OTULINL: variants seen among roughly 807,000 people sequenced by gnomAD.
OTULINL encodes OTU deubiquitinase with linear linkage specificity like, also known as inactive ubiquitin thioesterase OTULINL.
In OTULINL, 42 loss-of-function variants were observed where a neutral mutation model predicts 43.9. The ratio of observed to expected loss-of-function variants is 0.96; its 90% CI spans 0.75 to 1.24. The LOEUF (loss-of-function observed/expected upper bound fraction) is 1.24, where lower values mean the gene tolerates loss of function less well. Ranked by LOEUF, OTULINL falls within the 50% of genes most tolerant of loss-of-function variation. The pLI, the probability that OTULINL is intolerant of heterozygous loss-of-function variation, is 0.00. For missense variants in OTULINL, 411 were observed against 426.4 expected, an observed-to-expected ratio of 0.96 and a Z score of 0.32; for synonymous variants, 172 against 153.6, an observed-to-expected ratio of 1.12 and a Z score of -0.88.
At chr5:14,601,748 GTC>G (rs1279446292) in intron 4 of OTULINL, among the ~76,000 whole-genome samples, 2 of 152,204 alleles carry the variant, frequency 1.3e-5, no homozygotes, top group Non-Finnish European at 2.9e-5. Context: ...AGTGGAGACT[GTC>G]TTTGAAAAGA....
chr5:14,608,708 C>G (rs562814977), intron 6 of OTULINL, 40 bp from the exon 7 acceptor site: 1 of 1,523,472 alleles, frequency 6.6e-7, no homozygotes, highest in African/African-American at 1.4e-5. Flanking sequence ...TATGTCTTCA[C>G]CTTTATCCTT....
At chr5:14,592,042 G>A (rs1759213014) in intron 1 of OTULINL, among the ~76,000 whole-genome samples, 3 of 152,224 alleles carry the variant, frequency 2.0e-5, no homozygotes, top group Admixed American at 2.0e-4. Flanking sequence ...GCAGAGCTGA[G>A]TAGTTGAGAC....
rs745782103 is a variant in OTULINL at position 14,602,299 on chromosome 5, TC to T, written c.467del (p.Pro156HisfsTer4). ...AGATATTCAGCCAGGGCATCTCTTTTCCATCATGGATGAAAGAAAAGGACAT... is the reference window on the plus strand; with the variant it reads ...AGATATTCAGCCAGGGCATCTCTTTTCATCATGGATGAAAGAAAAGGACAT... Reference protein sequence around the residue: ...FQIFSQGISFPSWMKEKDIVK... With the variant: ...FQIFSQGISFXSWMKEKDIVK... On this transcript the variant is annotated frameshift_variant, in exon 5 of 8. Coordinates refer to ENST00000274217, the MANE Select transcript of OTULINL (RefSeq NM_019018.3). LOFTEE classifies it high-confidence loss of function. The T allele has an allele frequency of 6.2e-7, 1 of 1,613,886 alleles. No homozygotes were observed. The highest frequency in any genetic ancestry group is 2.2e-5 in the East Asian group (1 of 44,874).
At chr5:14,608,698 T>A (rs762284829) in intron 6 of OTULINL, 50 bp from the exon 7 acceptor site, 4 of 1,422,060 alleles carry the variant, frequency 2.8e-6, no homozygotes, top group Non-Finnish European at 3.8e-6. Context: ...TGGAATGGTA[T>A]ATGTCTTCAC....
intron 5 of OTULINL, among the ~76,000 whole-genome samples, chr5:14,604,141 G>A (rs1401264312): frequency 6.6e-6 from 1 of 152,076 alleles, no homozygotes; most frequent in African/African-American, 2.4e-5. Flanking sequence ...AGACCAACCT[G>A]GGCAACAGAG....
At position 14,613,730 on chromosome 5, in the gene OTULINL, C is replaced by G. The variant is rs1432788779; in HGVS notation, c.*3416C>G. Among the ~76,000 whole-genome samples the G allele has an allele frequency of 6.6e-6, 1 of 152,174 alleles. No homozygotes were observed. The highest frequency in any genetic ancestry group is 2.4e-5 in the African/African-American group (1 of 41,436). ...AAGTCATTTCCACCCAAGGGAGAGT[C>G]AGGTGAAAGTCCCCAGGGCCCTCTC... On this transcript the variant is annotated 3_prime_UTR_variant, in exon 8 of 8. Coordinates refer to ENST00000274217, the MANE Select transcript of OTULINL (RefSeq NM_019018.3).
chr5:14,586,294 C>T (rs1200060205), intron 1 of OTULINL, among the ~76,000 whole-genome samples: 1 of 152,158 alleles, frequency 6.6e-6, no homozygotes, highest in African/African-American at 2.4e-5. Flanking sequence ...TGTATATGTT[C>T]TCATTTTTCT....
chr5:14,607,560 A>T, intron 6 of OTULINL, 102 bp downstream of exon 6: 1 of 1,422,596 alleles, frequency 7.0e-7, no homozygotes, highest in Admixed American at 2.1e-5. Flanking sequence ...ATGTTAGGAA[A>T]GTAAGAAGTG....
intron 7 of OTULINL, 86 bp from the exon 8 acceptor site, chr5:14,610,055 C>G: frequency 8.5e-7 from 1 of 1,181,696 alleles, no homozygotes; most frequent in Non-Finnish European, 1.2e-6. Flanking sequence ...ATTTCATAAA[C>G]TGCAGAGGAA....
intron 5 of OTULINL, among the ~76,000 whole-genome samples, chr5:14,606,836 T>C (rs999116488): frequency 6.6e-6 from 1 of 152,210 alleles, no homozygotes; most frequent in Non-Finnish European, 1.5e-5. Context: ...ACTTGTGAAA[T>C]TGTAAGAATA....
chr5:14,613,746 G>A lies in OTULINL; in HGVS notation c.*3432G>A, dbSNP rs1338358366. 6.6e-6 allele frequency among the ~76,000 whole-genome samples: 1 copy of A among 152,148 alleles called. No homozygotes were observed. The highest frequency in any genetic ancestry group is 1.5e-5 in the Non-Finnish European group (1 of 68,024). ...AGGGAGAGTCAGGTGAAAGTCCCCA[G>A]GGCCCTCTCTAGGGGACCGGAGACC... On this transcript the variant is annotated 3_prime_UTR_variant, in exon 8 of 8. Transcript: ENST00000274217.
rs867177324 is a variant in OTULINL, at chr5:14,612,987, A to G, written c.*2673A>G. ...GCTCAGGCTGCAGTGCAGTGGCACA[A>G]TCTCGGCTCACTGCAACCTCTACCT... On this transcript the variant is annotated 3_prime_UTR_variant, in exon 8 of 8. Transcript: ENST00000274217. Among the ~76,000 whole-genome samples, 2 of 152,118 alleles carry G rather than the reference A, an allele frequency of 1.3e-5. No homozygotes were observed. Among genetic ancestry groups the G allele is most frequent in the Admixed American group, 6.6e-5 (1 of 15,262 alleles).
At chr5:14,608,621 G>A (rs1317511358) in intron 6 of OTULINL, 127 bp from the exon 7 acceptor site, 7 of 750,392 alleles carry the variant, frequency 9.3e-6, no homozygotes, top group Non-Finnish European at 1.5e-5. Flanking sequence ...AAGATAGAAA[G>A]TGAAGAGTTA....
At chr5:14,597,670 C>T (rs902889530) in intron 1 of OTULINL, among the ~76,000 whole-genome samples, 2 of 152,348 alleles carry the variant, frequency 1.3e-5, no homozygotes, top group Admixed American at 6.5e-5. Flanking sequence ...GTGAACAGCT[C>T]GTATAGATCC....
At chr5:14,582,814 C>A (rs1365298950) in intron 1 of OTULINL, among the ~76,000 whole-genome samples, 1 of 55,030 alleles carries the variant, frequency 1.8e-5, no homozygotes, top group Non-Finnish European at 3.5e-5. Context: ...TTGCTCTGTC[C>A]AAAAAAAAAA....
rs919263141 is a variant in OTULINL, at chr5:14,583,625, A to G, written c.64+1667A>G. ...GGGAGAGATTCTTTCCTCTGCTCCA[A>G]TTGTGGGATCTGCAGTTGGTGTGCA... On this transcript the variant is annotated intron_variant, in intron 1 of 7. Transcript: ENST00000274217. 1.1e-4 allele frequency among the ~76,000 whole-genome samples: 17 copies of G among 152,286 alleles called. No individual in the cohort carries two copies. The East Asian group carries it at 2.9e-3, about 26-fold the overall frequency.
In OTULINL at chr5:14,614,700, G is replaced by C. The variant is rs1759642437; in HGVS notation, c.*4386G>C. On this transcript the variant is annotated 3_prime_UTR_variant, in exon 8 of 8. Transcript: ENST00000274217. ...TCTGCACTTGAAGCTCATGGAATGT[G>C]TTGGAGGAGACTCAAGCTCCATGTG... 5.0e-6 allele frequency: 2 copies of C among 398,722 alleles called. No homozygotes were observed. The allele number at this position is 398,722 out of a possible 1,614,324, so 24.7% of individuals were successfully genotyped here.
At chr5:14,600,260 G>A (rs1270316178) in intron 1 of OTULINL, among the ~76,000 whole-genome samples, 1 of 152,152 alleles carries the variant, frequency 6.6e-6, no homozygotes, top group Non-Finnish European at 1.5e-5. Context: ...GAAGAAGGAT[G>A]TGTTTGCTTC....
At chr5:14,592,729 A>T (rs1406210956) in intron 1 of OTULINL, among the ~76,000 whole-genome samples, 1 of 152,212 alleles carries the variant, frequency 6.6e-6, no homozygotes, top group Non-Finnish European at 1.5e-5. Context: ...GAGGAATCAG[A>T]CTGGTTCTTC....
Sources: allele counts gnomAD v4.1 joint callset (sites outside exome capture counted in the v4.1 genomes callset), GRCh38; gene constraint gnomAD v4.1.1; transcripts MANE v1.5; gene names NCBI Gene and HGNC (gene_info 2026-07-23, HGNC 2026-07-21).